CCND3: variants seen among roughly 807,000 people sequenced by gnomAD.
The protein encoded by CCND3 is G1/S-specific cyclin-D3.
Under a neutral mutation model 28.7 loss-of-function variants are expected in CCND3, and 9 were observed. The ratio of observed to expected loss-of-function variants is 0.31; its 90% CI spans 0.19 to 0.55. The LOEUF is 0.55. Ranked by LOEUF, CCND3 falls within the 20% of genes least tolerant of loss-of-function variation. CCND3 has a pLI of 0.93. For synonymous variants in CCND3, 164 were observed against 163.9 expected (o/e 1.00, Z 0.00); for missense variants, 315 against 385.8 (o/e 0.82, Z 1.54).
intron 1 of CCND3, among the ~76,000 whole-genome samples, chr6:42,035,922 C>T (rs892360039): frequency 1.3e-5 from 2 of 151,946 alleles, no homozygotes; most frequent in Non-Finnish European, 2.9e-5. Context: ...GTGATCCCCC[C>T]ACCTCGGCCT....
intron 1 of CCND3, among the ~76,000 whole-genome samples, chr6:42,043,778 G>T (rs990862379): frequency 3.3e-5 from 5 of 152,292 alleles, no homozygotes; most frequent in Admixed American, 1.3e-4. Context: ...CCTCTCTAAA[G>T]GTCTGAGGGG....
chr6:41,972,385 C>T (rs549387513), intron 1 of CCND3, among the ~76,000 whole-genome samples: 1 of 152,194 alleles, frequency 6.6e-6, no homozygotes, highest in Admixed American at 6.5e-5. Flanking sequence ...AGAGCTACAA[C>T]GTCCTCTGCT....
chr6:41,940,966 G>T, intron 1 of CCND3: 1 of 1,612,954 alleles, frequency 6.2e-7, no homozygotes, highest in Non-Finnish European at 8.5e-7. Flanking sequence ...GGGGAAGGGA[G>T]GAGGCTCCTG....
At chr6:41,945,678 G>A (rs1310733081), upstream of CCND3, among the ~76,000 whole-genome samples, 1 of 152,300 alleles carries the variant, frequency 6.6e-6, no homozygotes, top group Non-Finnish European at 1.5e-5. Flanking sequence ...TGCTAAACAG[G>A]GTTCTGGAGT....
chr6:42,025,458 A>AG (rs1763847517), intron 1 of CCND3, among the ~76,000 whole-genome samples: 1 of 152,188 alleles, frequency 6.6e-6, no homozygotes, highest in African/African-American at 2.4e-5. Flanking sequence ...GGAACACTGG[A>AG]GGGACAGCTA....
chr6:42,048,630 T>TC lies in CCND3; in HGVS notation c.-176dup, dbSNP rs751989766. The TC allele has an allele frequency of 8.9e-5, 46 of 514,798 alleles. No homozygotes were observed. Among genetic ancestry groups the TC allele is most frequent in the South Asian group, 4.6e-4 (33 of 71,078 alleles). The allele number at this position is 514,798 out of a possible 1,614,324, so 31.9% of individuals were successfully genotyped here. On this transcript the variant is annotated 5_prime_UTR_variant, in exon 1 of 5. Transcript: ENST00000372988. The surrounding 1 kb of genome is among the most constrained non-coding windows in gnomAD (Gnocchi z 4.7). ...AGCCGCGAGGAGAGGATTGCACCTC[T>TC]CCCCCCCGGCCGGCATCCGAACAGA...
At chr6:42,042,946 G>A (rs1434375450) in intron 1 of CCND3, among the ~76,000 whole-genome samples, 3 of 152,194 alleles carry the variant, frequency 2.0e-5, no homozygotes, top group Admixed American at 6.5e-5. Context: ...AGGCTCTCTC[G>A]ACCACTCCAT....
intron 1 of CCND3, among the ~76,000 whole-genome samples, chr6:42,036,897 T>C (rs1055028481): frequency 5.3e-5 from 8 of 152,080 alleles, no homozygotes; most frequent in Non-Finnish European, 1.0e-4. Flanking sequence ...TGGAAAATAG[T>C]TTTCATTTAA....
At chr6:41,957,298 G>A (rs1377588716) in intron 1 of CCND3, among the ~76,000 whole-genome samples, 2 of 152,142 alleles carry the variant, frequency 1.3e-5, no homozygotes, top group Non-Finnish European at 2.9e-5. Context: ...TGCTTATCAG[G>A]TTAAATTTAA....
rs892865649 is a variant in CCND3, at chr6:41,935,249, G to A, written c.*691C>T. On this transcript the variant is annotated 3_prime_UTR_variant, in exon 5 of 5. Coordinates refer to ENST00000372991, the MANE Select transcript of CCND3 (RefSeq NM_001760.5). ...ACCACCAGGGTTACCACCACTTGTGGGATGGCCAGGACCCCATTATGTCCT... is the reference window on the plus strand; with the variant it reads ...ACCACCAGGGTTACCACCACTTGTGAGATGGCCAGGACCCCATTATGTCCT... The A allele has an allele frequency of 2.1e-5, 5 of 233,582 alleles. No individual in the cohort carries two copies. In the Admixed American group the frequency reaches 2.3e-4, roughly 11 times the overall value. The allele number at this position is 233,582 out of a possible 1,614,324, so 14.5% of individuals were successfully genotyped here. A position where few individuals can be genotyped will look rare whatever the true frequency, so the allele number is the denominator to read the frequency against.
chr6:41,974,493 T>A (rs149688920), intron 1 of CCND3, among the ~76,000 whole-genome samples: 42 of 152,162 alleles, frequency 2.8e-4, no homozygotes, highest in African/African-American at 9.6e-4. Context: ...GCTCACTCAG[T>A]GTACAGTGAG....
intron 1 of CCND3, among the ~76,000 whole-genome samples, chr6:41,996,243 G>A (rs753459534): frequency 3.5e-4 from 53 of 150,334 alleles, no homozygotes; most frequent in Admixed American, 1.1e-3. Context: ...TCCGCCTCCC[G>A]GGTTCAAGTG....
At position 41,954,250 on chromosome 6, in the gene CCND3, T is replaced by TAAAAAAAAAAAAAAAAAAAAAAAAAAAA. The variant is rs34556754; in HGVS notation, c.-45-13666_-45-13665insTTTTTTTTTTTTTTTTTTTTTTTTTTTT. 6.3e-4 allele frequency among the ~76,000 whole-genome samples: 22 copies of TAAAAAAAAAAAAAAAAAAAAAAAAAAAA among 35,144 alleles called. 1 individual carries two copies. The highest frequency in any genetic ancestry group is 1.8e-3 in the East Asian group (3 of 1,660). The allele number at this position is 35,144 out of a possible 152,430, so 23.1% of individuals were successfully genotyped here. The stretch of plus-strand genomic sequence containing the variant: ...TGGGGTACAGAGCAAGATTCTGCCT[T>TAAAAAAAAAAAAAAAAAAAAAAAAAAAA]AAAAAAAAAAAAAAAAAAAAAAAAA... On this transcript the variant is annotated intron_variant, in intron 1 of 4. Coordinates refer to the CCND3 transcript ENST00000372988.
At chr6:41,942,530 G>C (rs1026093846), upstream of CCND3, among the ~76,000 whole-genome samples, 6 of 152,292 alleles carry the variant, frequency 3.9e-5, 1 homozygote, top group Middle Eastern at 0.02. Flanking sequence ...AGGCCATGGA[G>C]TCATGGCCTC....
Position 41,938,855 on chromosome 6 carries a change from C to T in CCND3, c.415-1461G>A, listed in dbSNP as rs1464685236. ...GGGCCTCAGCCTCCTCTGCTGCACA[C>T]GGATTTGGACCAACTGGAGTTCTCA... On this transcript the variant is annotated intron_variant, in intron 2 of 4. Coordinates refer to ENST00000372991, the MANE Select transcript of CCND3 (RefSeq NM_001760.5). The surrounding 1 kb of genome is among the most constrained non-coding windows in gnomAD (Gnocchi z 4.6). Among the ~76,000 whole-genome samples, 3 of 152,166 alleles carry T rather than the reference C, an allele frequency of 2.0e-5. No individual in the cohort carries two copies. The highest frequency in any genetic ancestry group is 2.1e-4 in the South Asian group (1 of 4,828).
At chr6:42,017,407 C>T (rs1763555982) in intron 1 of CCND3, among the ~76,000 whole-genome samples, 1 of 152,238 alleles carries the variant, frequency 6.6e-6, no homozygotes, top group African/African-American at 2.4e-5. Flanking sequence ...CACATTGCTG[C>T]TGGCAGTTCT....
chr6:42,027,733 G>A (rs1294807973), intron 1 of CCND3, among the ~76,000 whole-genome samples: 2 of 149,906 alleles, frequency 1.3e-5, no homozygotes, highest in Non-Finnish European at 3.0e-5. Context: ...CTAAGCCTCA[G>A]TTTTTTTTGT....
chr6:42,020,834 C>T (rs1434064220), intron 1 of CCND3, among the ~76,000 whole-genome samples: 1 of 152,234 alleles, frequency 6.6e-6, no homozygotes, highest in Non-Finnish European at 1.5e-5. Flanking sequence ...TCACCGCAAC[C>T]TCTGCCTTCT....
chr6:42,004,137 C>A (rs1763113069), intron 1 of CCND3, among the ~76,000 whole-genome samples: 1 of 148,830 alleles, frequency 6.7e-6, no homozygotes, highest in Non-Finnish European at 1.5e-5. Context: ...ACTATGTAGC[C>A]CAGGCTGGAG....
Sources: allele counts gnomAD v4.1 joint callset (sites outside exome capture counted in the v4.1 genomes callset), GRCh38; gene constraint gnomAD v4.1.1; non-coding constraint Gnocchi (gnomAD v3.1); transcripts MANE v1.5; gene names NCBI Gene and HGNC (gene_info 2026-07-23, HGNC 2026-07-21).